The following KCTD16 variants were observed in gnomAD, a reference collection of about 807,000 sequenced individuals.
KCTD16 encodes the protein BTB/POZ domain-containing protein KCTD16.
KCTD16 carries 13 observed loss-of-function variants against 33.2 expected under a neutral mutation model. The ratio of observed to expected loss-of-function variants is 0.39; its 90% CI spans 0.25 to 0.62. The LOEUF (loss-of-function observed/expected upper bound fraction) is 0.62, where lower values mean the gene tolerates loss of function less well. Among genes scored for constraint, KCTD16 ranks in the 20% least tolerant of loss-of-function variants. KCTD16 has a pLI of 0.50. For missense variants in KCTD16, 441 were observed against 525.1 expected (o/e 0.84, Z 1.57); for synonymous variants, 197 against 195.3 (o/e 1.01, Z -0.07).
At chr5:144,196,603 A>G (rs1752944448) in intron 2 of KCTD16, among the ~76,000 whole-genome samples, 1 of 152,154 alleles carries the variant, frequency 6.6e-6, no homozygotes, top group South Asian at 2.1e-4. Context: ...TCAAGACCTC[A>G]TTTAAATATA....
At chr5:144,321,966 A>G (rs1752083641) in intron 3 of KCTD16, among the ~76,000 whole-genome samples, 1 of 152,200 alleles carries the variant, frequency 6.6e-6, no homozygotes, top group Admixed American at 6.5e-5. Context: ...AAATACAGGT[A>G]AATTGAGAGT....
intron 2 of KCTD16, among the ~76,000 whole-genome samples, chr5:144,194,684 C>A (rs1349011826): frequency 1.3e-5 from 2 of 152,116 alleles, no homozygotes; most frequent in Non-Finnish European, 2.9e-5. Context: ...ATGGGAAGTA[C>A]AATTATTACC....
chr5:144,207,802 A>G (rs1753235623), intron 3 of KCTD16, among the ~76,000 whole-genome samples: 1 of 152,254 alleles, frequency 6.6e-6, no homozygotes, highest in Non-Finnish European at 1.5e-5. Context: ...TGCAATATGT[A>G]AAATGGAACA....
At chr5:144,218,129 G>A (rs759574119) in intron 3 of KCTD16, among the ~76,000 whole-genome samples, 8 of 152,122 alleles carry the variant, frequency 5.3e-5, no homozygotes, top group Non-Finnish European at 1.0e-4. Context: ...GTGTGCCCAC[G>A]ATTGCACAAA....
At chr5:144,410,399 C>T (rs75931231) in intron 3 of KCTD16, among the ~76,000 whole-genome samples, 1,987 of 152,260 alleles carry the variant, frequency 0.013, 54 homozygotes, top group African/African-American at 0.046. Context: ...TTTCATTTGA[C>T]TTTCATGATA....
At chr5:144,244,256 G>T (rs150355514) in intron 3 of KCTD16, among the ~76,000 whole-genome samples, 2 of 152,132 alleles carry the variant, frequency 1.3e-5, no homozygotes, top group Non-Finnish European at 2.9e-5. Flanking sequence ...TTGGTCAAAT[G>T]ATCTATAAGA....
intron 3 of KCTD16, among the ~76,000 whole-genome samples, chr5:144,367,533 A>G (rs1751864504): frequency 6.6e-6 from 1 of 152,246 alleles, no homozygotes; most frequent in South Asian, 2.1e-4. Context: ...TATGCCTCTC[A>G]GTTTCAGAAA....
intron 3 of KCTD16, among the ~76,000 whole-genome samples, chr5:144,428,960 T>C (rs933484344): frequency 6.6e-5 from 10 of 152,198 alleles, no homozygotes; most frequent in African/African-American, 2.4e-4. Context: ...TAATATTTCT[T>C]ACTTTCCTAA....
At chr5:144,349,792 A>G (rs765404435) in intron 3 of KCTD16, among the ~76,000 whole-genome samples, 28 of 151,500 alleles carry the variant, frequency 1.8e-4, no homozygotes, top group Admixed American at 7.2e-4. Context: ...TCCCCATCAC[A>G]CTCTATCACA....
At chr5:144,448,592 C>T (rs115622895) in intron 3 of KCTD16, among the ~76,000 whole-genome samples, 2,781 of 152,022 alleles carry the variant, frequency 0.018, 90 homozygotes, top group African/African-American at 0.064. Context: ...TCTGGTATTG[C>T]GAGGAGTGGA....
intron 2 of KCTD16, among the ~76,000 whole-genome samples, chr5:144,177,880 T>G (rs1257705588): frequency 6.6e-6 from 1 of 152,218 alleles, no homozygotes; most frequent in Non-Finnish European, 1.5e-5. Flanking sequence ...GACTAAGTCT[T>G]TTGCTACACA....
intron 3 of KCTD16, among the ~76,000 whole-genome samples, chr5:144,360,495 G>A (rs1751684635): frequency 6.6e-6 from 1 of 151,478 alleles, no homozygotes; most frequent in Non-Finnish European, 1.5e-5. Context: ...GCAGTGGGGT[G>A]ATCTCAGCTC....
intron 3 of KCTD16, among the ~76,000 whole-genome samples, chr5:144,342,453 T>C (rs1014938899): frequency 6.6e-6 from 1 of 152,206 alleles, no homozygotes; most frequent in African/African-American, 2.4e-5. Context: ...TGAAGTTGCT[T>C]ATCAGCTTAA....
chr5:144,307,305 C>T (rs1183384106), intron 3 of KCTD16, among the ~76,000 whole-genome samples: 1 of 152,154 alleles, frequency 6.6e-6, no homozygotes, highest in African/African-American at 2.4e-5. Context: ...CTTTGTAACT[C>T]CATTAGAGCA....
intron 3 of KCTD16, among the ~76,000 whole-genome samples, chr5:144,404,421 A>G (rs1442651140): frequency 1.3e-5 from 2 of 152,128 alleles, no homozygotes; most frequent in Non-Finnish European, 2.9e-5. Flanking sequence ...TATTCAATGA[A>G]TATTTTCTCC....
At chr5:144,212,752 C>T (rs1165442377) in intron 3 of KCTD16, among the ~76,000 whole-genome samples, 4 of 152,146 alleles carry the variant, frequency 2.6e-5, no homozygotes, top group African/African-American at 7.2e-5. Context: ...GATGGCTTTT[C>T]TCAAGTATTG....
rs577741331 is a variant in KCTD16 at position 144,269,038 on chromosome 5, G to A, written c.832+61492G>A. 6.6e-5 allele frequency among the ~76,000 whole-genome samples: 10 copies of A among 152,184 alleles called. No individual in the cohort carries two copies. In the East Asian group the frequency reaches 1.9e-3, roughly 29 times the overall value. ...AAGATAGGACAATGGAAATTATCAAGTCTTAGGACCAGAGTAAGAAAAGAT... is the reference window on the plus strand; with the variant it reads ...AAGATAGGACAATGGAAATTATCAAATCTTAGGACCAGAGTAAGAAAAGAT... On this transcript the variant is annotated intron_variant, in intron 3 of 3. Coordinates refer to ENST00000512467, the MANE Select transcript of KCTD16 (RefSeq NM_020768.4).
chr5:144,222,456 T>G (rs1311230513), intron 3 of KCTD16, among the ~76,000 whole-genome samples: 1 of 152,110 alleles, frequency 6.6e-6, no homozygotes, highest in Non-Finnish European at 1.5e-5. Flanking sequence ...GATTCCTATG[T>G]GCACAAAGCG....
chr5:144,274,468 A>G (rs148926279), intron 3 of KCTD16, among the ~76,000 whole-genome samples: 134 of 152,324 alleles, frequency 8.8e-4, no homozygotes, highest in African/African-American at 3.1e-3. Context: ...AATAAGATAT[A>G]TAACATTTTT....
Sources: allele counts gnomAD v4.1 joint callset (sites outside exome capture counted in the v4.1 genomes callset), GRCh38; gene constraint gnomAD v4.1.1; transcripts MANE v1.5; gene names NCBI Gene and HGNC (gene_info 2026-07-23, HGNC 2026-07-21).